The following GCGR variants were observed in gnomAD, a reference collection of about 807,000 sequenced individuals.
The protein encoded by GCGR is glucagon receptor.
In GCGR, 41 loss-of-function variants were observed where a neutral mutation model predicts 56.1. The ratio of observed to expected loss-of-function variants is 0.73; its 90% CI spans 0.57 to 0.95. The LOEUF is 0.95. Ranked by LOEUF, GCGR falls within the 40% of genes least tolerant of loss-of-function variation. The pLI is 0.00. For synonymous variants in GCGR, 278 were observed against 271.1 expected (o/e 1.03, Z -0.25); for missense variants, 595 against 638.2 (o/e 0.93, Z 0.73).
At chr17:81,807,304 G>A (rs1300435467) in intron 1 of GCGR, among the ~76,000 whole-genome samples, 3 of 152,220 alleles carry the variant, frequency 2.0e-5, no homozygotes, top group Admixed American at 6.5e-5. Flanking sequence ...GCCTCCCATC[G>A]GCCCCTACAT....
chr17:81,809,159 CCTGCCTGCCTGTCTGCCTGCCTGTCTGT>C, intron 2 of GCGR, 81 bp downstream of exon 2: 1 of 1,449,256 alleles, frequency 6.9e-7, no homozygotes, highest in East Asian at 2.5e-5. Context: ...TGCCTGCCTG[CCTGCCTGCCTGTCTGCCTGCCTGTCTGT>C]CTGTCTGCCC....
At position 81,813,471 on chromosome 17, in the gene GCGR, C is replaced by T; in HGVS notation, c.1219-3C>T. The stretch of plus-strand genomic sequence containing the variant: ...GACTGGCCTGCCCCGTCCCCCTCCC[C>T]AGGTGCAGTCGGAGCTGCGGCGGCG... On this transcript the variant is annotated splice_region_variant and splice_polypyrimidine_tract_variant and intron_variant, in intron 13 of 13. Transcript: ENST00000400723. This position sits in a 1 kb window ranked among gnomAD's most constrained non-coding sequence, Gnocchi z 5.3. 6.5e-7 allele frequency: 1 copy of T among 1,534,600 alleles called. No homozygotes were observed.
rs775647518 is a variant in GCGR at position 81,813,490 on chromosome 17, G to A, written c.1235G>A (p.Arg412Gln). ...FLNKEVQSEL[R>Q]RRWHRWRLGK... is the part of the protein sequence containing the mutation. ...CCTCCCCAGGTGCAGTCGGAGCTGC[G>A]GCGGCGTTGGCACCGCTGGCGCCTG... Residue 412 changes from arginine to glutamine, a missense_variant, in exon 14 of 14, where the codon CGG (arginine) becomes CAG (glutamine). Transcript: ENST00000400723. The surrounding 1 kb of genome is among the most constrained non-coding windows in gnomAD (Gnocchi z 5.3). 7.8e-6 allele frequency: 12 copies of A among 1,535,078 alleles called. No individual in the cohort carries two copies. Among genetic ancestry groups the A allele is most frequent in the African/African-American group, 4.1e-5 (3 of 72,984 alleles).
In GCGR at chr17:81,813,737, G is replaced by A. The variant is rs571884193; in HGVS notation, c.*48G>A. The A allele has an allele frequency of 3.1e-5, 47 of 1,510,258 alleles. No homozygotes were observed. Among genetic ancestry groups the A allele is most frequent in the Middle Eastern group, 2.3e-4 (1 of 4,356 alleles). 93.6% of individuals were successfully genotyped at this position (1,510,258 alleles called of 1,614,324 possible). On this transcript the variant is annotated 3_prime_UTR_variant, in exon 14 of 14. Coordinates refer to ENST00000400723, the MANE Select transcript of GCGR (RefSeq NM_000160.5). This position sits in a 1 kb window ranked among gnomAD's most constrained non-coding sequence, Gnocchi z 5.3. ...GGCTGGACTCTGGCACCCAGAGGGC[G>A]TCGCTGGACAACCCAGAACTGGACG...
In GCGR at chr17:81,813,344, A is replaced by C; in HGVS notation, c.1219-130A>C. 1.0e-6 allele frequency: 1 copy of C among 953,138 alleles called. No individual in the cohort carries two copies. The highest frequency in any genetic ancestry group is 1.6e-5 in the South Asian group (1 of 62,106). 59.0% of individuals were successfully genotyped at this position (953,138 alleles called of 1,614,324 possible). A position where few individuals can be genotyped will look rare whatever the true frequency, so the allele number is the denominator to read the frequency against. ...GCTGGGTGGCATAGCTGTGCCCAGC[A>C]GGGAGCTTGTGTCGCTCTGCACCCC... On this transcript the variant is annotated intron_variant, in intron 13 of 13. Transcript: ENST00000400723. The surrounding 1 kb of genome is among the most constrained non-coding windows in gnomAD (Gnocchi z 5.3).
At position 81,811,554 on chromosome 17, in the gene GCGR, T is replaced by C; in HGVS notation, c.651T>C (p.Ser217=). 6.5e-7 allele frequency: 1 copy of C among 1,536,238 alleles called. No individual in the cohort carries two copies. Among genetic ancestry groups the C allele is most frequent in the Non-Finnish European group, 8.7e-7 (1 of 1,146,794 alleles). Residue 217 remains serine (S), a synonymous_variant, in exon 7 of 14, where the codon AGT becomes AGC. Transcript: ENST00000400723. This position sits in a 1 kb window ranked among gnomAD's most constrained non-coding sequence, Gnocchi z 5.8. ...ACCTCAGTGTCAGCACCTGGCTCAG[T>C]GATGGAGTGAGCCCCCCTCGGCGGC... ...GDDLSVSTWL[S]DGAVAGCRVA...
Position 81,812,832 on chromosome 17 carries a change from A to G in GCGR, c.1063A>G (p.Ile355Val). ...FRLAKSTLTLIPLLGVHEVVF... is the reference protein window; with the variant it reads ...FRLAKSTLTLVPLLGVHEVVF... ...GCTGGCCAAGTCCACGCTGACCCTCATCCCTCTGCTGGGCGTCCACGAAGT... is the reference window on the plus strand; with the variant it reads ...GCTGGCCAAGTCCACGCTGACCCTCGTCCCTCTGCTGGGCGTCCACGAAGT... The change falls in exon 12 of 14, where the codon ATC becomes GTC. Residue 355 changes from isoleucine to valine, a missense_variant. By Grantham distance (29) the Ile-to-Val change is conservative. Coordinates refer to ENST00000400723, the MANE Select transcript of GCGR (RefSeq NM_000160.5). The surrounding 1 kb of genome is among the most constrained non-coding windows in gnomAD (Gnocchi z 8.5). 1 of 1,535,854 alleles carries G rather than the reference A, an allele frequency of 6.5e-7. No individual in the cohort carries two copies. Among genetic ancestry groups the G allele is most frequent in the Admixed American group, 2.0e-5 (1 of 50,998 alleles).
At position 81,804,229 on chromosome 17, in the gene GCGR, A is replaced by AC. The variant is rs1330228292; in HGVS notation, c.-193dup. 1.3e-5 allele frequency: 2 copies of AC among 150,600 alleles called. No homozygotes were observed. Among genetic ancestry groups the AC allele is most frequent in the Non-Finnish European group, 3.0e-5 (2 of 67,592 alleles). The allele number at this position is 150,600 out of a possible 1,614,324, so 9.3% of individuals were successfully genotyped here. On this transcript the variant is annotated 5_prime_UTR_variant, in exon 1 of 14. Transcript: ENST00000400723. The surrounding 1 kb of genome is among the most constrained non-coding windows in gnomAD (Gnocchi z 8.2). ...CAGAGGACGGCGGGGAGCCAAGCCG[A>AC]CCCCCGAGCAGCGCCGCGCGGTGAG... is the stretch of plus-strand genomic sequence containing the variant.
intron 1 of GCGR, among the ~76,000 whole-genome samples, chr17:81,807,231 G>A (rs993059328): frequency 3.9e-5 from 6 of 152,220 alleles, no homozygotes; most frequent in African/African-American, 1.4e-4. Context: ...CTTCGCCCCA[G>A]CACCAAGCCT....
In GCGR at chr17:81,813,461, T is replaced by A; in HGVS notation, c.1219-13T>A. The A allele has an allele frequency of 6.5e-7, 1 of 1,533,394 alleles. No individual in the cohort carries two copies. The highest frequency in any genetic ancestry group is 8.7e-7 in the Non-Finnish European group (1 of 1,146,202). 95.0% of individuals were successfully genotyped at this position (1,533,394 alleles called of 1,614,324 possible). ...CAGGCCCTAGGACTGGCCTGCCCCGTCCCCCTCCCCAGGTGCAGTCGGAGC... is the reference window on the plus strand; with the variant it reads ...CAGGCCCTAGGACTGGCCTGCCCCGACCCCCTCCCCAGGTGCAGTCGGAGC... On this transcript the variant is annotated splice_polypyrimidine_tract_variant and intron_variant, in intron 13 of 13. Coordinates refer to ENST00000400723, the MANE Select transcript of GCGR (RefSeq NM_000160.5). This position sits in a 1 kb window ranked among gnomAD's most constrained non-coding sequence, Gnocchi z 5.3.
intron 1 of GCGR, among the ~76,000 whole-genome samples, chr17:81,807,812 C>T (rs576840888): frequency 2.0e-5 from 3 of 152,240 alleles, no homozygotes; most frequent in South Asian, 2.1e-4. Flanking sequence ...TCTGTAGCAA[C>T]GAAAGGCCGA....
Position 81,812,645 on chromosome 17 carries a change from C to G in GCGR, c.1017C>G (p.His339Gln). ...LVAKLRARQM[H>Q]HTDYKFRLAK... is the part of the protein sequence containing the mutation. ...CCAAGCTGCGGGCACGGCAGATGCA[C>G]CACACAGACTACAAGTTCCGGTGGG... The change falls in exon 11 of 14, where the codon CAC becomes CAG. Residue 339 changes from histidine to glutamine, a missense_variant. Coordinates refer to ENST00000400723, the MANE Select transcript of GCGR (RefSeq NM_000160.5). This position sits in a 1 kb window ranked among gnomAD's most constrained non-coding sequence, Gnocchi z 8.5. 5.9e-6 allele frequency: 9 copies of G among 1,536,366 alleles called. No homozygotes were observed. The highest frequency in any genetic ancestry group is 7.8e-6 in the Non-Finnish European group (9 of 1,146,770).
Position 81,811,059 on chromosome 17 carries a change from G to A in GCGR, c.321G>A (p.Val107=). 6.5e-7 allele frequency: 1 copy of A among 1,536,220 alleles called. No homozygotes were observed. Among genetic ancestry groups the A allele is most frequent in the South Asian group, 1.2e-5 (1 of 84,064 alleles). The stretch of plus-strand genomic sequence containing the variant: ...GATGCGGGCCCGACGGTCAGTGGGT[G>A]CGTGGACCCCGGGGGCAGCCTTGGC... The part of the protein sequence containing the change: ...FKRCGPDGQW[V]RGPRGQPWRD... The change falls in exon 5 of 14, where the codon GTG becomes GTA. Residue 107 remains valine, a synonymous_variant. Transcript: ENST00000400723. The surrounding 1 kb of genome is among the most constrained non-coding windows in gnomAD (Gnocchi z 5.8).
chr17:81,806,558 C>T lies in GCGR; in HGVS notation c.-177-2284C>T, dbSNP rs960436879. 2.0e-5 allele frequency among the ~76,000 whole-genome samples: 3 copies of T among 152,146 alleles called. No individual in the cohort carries two copies. The highest frequency in any genetic ancestry group is 4.8e-5 in the African/African-American group (2 of 41,442). On this transcript the variant is annotated intron_variant, in intron 1 of 13. Coordinates refer to ENST00000400723, the MANE Select transcript of GCGR (RefSeq NM_000160.5). This position sits in a 1 kb window ranked among gnomAD's most constrained non-coding sequence, Gnocchi z 6.5. ...CTCGCTGGGGTCTCCAGACTGGCTG[C>T]CCGGCTGGAAGGTGGGGCCCTGGCA...
At chr17:81,809,699 C>T (rs1215661850) in intron 2 of GCGR, 83 bp from the exon 3 acceptor site, 1 of 1,056,672 alleles carries the variant, frequency 9.5e-7, no homozygotes, top group African/African-American at 1.6e-5. Context: ...ATCTACCTGC[C>T]TGCCTGTCTG....
In GCGR at chr17:81,813,966, G is replaced by C; in HGVS notation, c.*277G>C. ...CCCCACGTATGTCGGCACGTCCCAT[G>C]TGCATGGAAATGTCCTCCAACAATA... On this transcript the variant is annotated 3_prime_UTR_variant, in exon 14 of 14. Coordinates refer to ENST00000400723, the MANE Select transcript of GCGR (RefSeq NM_000160.5). The surrounding 1 kb of genome is among the most constrained non-coding windows in gnomAD (Gnocchi z 5.3). The C allele has an allele frequency of 2.0e-6, 1 of 502,414 alleles. No homozygotes were observed. The highest frequency in any genetic ancestry group is 2.6e-5 in the South Asian group (1 of 37,742). The allele number at this position is 502,414 out of a possible 1,614,324, so 31.1% of individuals were successfully genotyped here.
chr17:81,812,778 G>T lies in GCGR; in HGVS notation c.1038-29G>T, dbSNP rs144280335. ...GATGGTGCGGGCCGAGGGTGGGGGC[G>T]GTGGGTGACTCAGGCGCTGCCTCTG... On this transcript the variant is annotated intron_variant, in intron 11 of 13. Transcript: ENST00000400723. This position sits in a 1 kb window ranked among gnomAD's most constrained non-coding sequence, Gnocchi z 8.5. 10 of 1,535,214 alleles carry T rather than the reference G, an allele frequency of 6.5e-6. No homozygotes were observed. The South Asian group carries it at 8.3e-5, about 13-fold the overall frequency.
Position 81,810,257 on chromosome 17 carries a change from G to A in GCGR, c.163+373G>A, listed in dbSNP as rs1269946765. 7.8e-6 allele frequency: 3 copies of A among 385,316 alleles called. No individual in the cohort carries two copies. Among genetic ancestry groups the A allele is most frequent in the Non-Finnish European group, 1.0e-5 (2 of 200,276 alleles). 23.9% of individuals were successfully genotyped at this position (385,316 alleles called of 1,614,324 possible). ...GCCTGGGAGGGCTCGGGTGGAGAGT[G>A]TATATCATGGCCTGGACACTTGGGG... On this transcript the variant is annotated intron_variant, in intron 3 of 13. Transcript: ENST00000400723. The surrounding 1 kb of genome is among the most constrained non-coding windows in gnomAD (Gnocchi z 4.6).
At position 81,812,629 on chromosome 17, in the gene GCGR, G is replaced by A. The variant is rs922855912; in HGVS notation, c.1001G>A (p.Arg334Gln). The A allele has an allele frequency of 3.3e-5, 50 of 1,536,266 alleles. No individual in the cohort carries two copies. The highest frequency in any genetic ancestry group is 2.4e-4 in the Admixed American group (12 of 50,954). ...GTTCAGCTGCTCGTGGCCAAGCTGCGGGCACGGCAGATGCACCACACAGAC... is the reference window on the plus strand; with the variant it reads ...GTTCAGCTGCTCGTGGCCAAGCTGCAGGCACGGCAGATGCACCACACAGAC... ...RIVQLLVAKL[R>Q]ARQMHHTDYK... Residue 334 changes from arginine to glutamine, a missense_variant, in exon 11 of 14, where the codon CGG becomes CAG. Transcript: ENST00000400723. This position sits in a 1 kb window ranked among gnomAD's most constrained non-coding sequence, Gnocchi z 8.5.
Sources: allele counts gnomAD v4.1 joint callset (sites outside exome capture counted in the v4.1 genomes callset), GRCh38; gene constraint gnomAD v4.1.1; non-coding constraint Gnocchi (gnomAD v3.1); transcripts MANE v1.5; gene names NCBI Gene and HGNC (gene_info 2026-07-23, HGNC 2026-07-21).